The following TRAPPC9 variants were observed in gnomAD, a reference collection of about 807,000 sequenced individuals.
TRAPPC9 encodes IKK2 binding protein.
In TRAPPC9, 83 loss-of-function variants were observed where a neutral mutation model predicts 124.0. The ratio of observed to expected loss-of-function variants is 0.67; its 90% CI spans 0.56 to 0.80. The LOEUF (loss-of-function observed/expected upper bound fraction) is 0.80. TRAPPC9 is among the 30% of genes least tolerant of loss of function. TRAPPC9 has a pLI of 0.00. For missense variants in TRAPPC9, 1,302 were observed against 1,508.3 expected, an observed-to-expected ratio of 0.86 and a Z score of 2.27; for synonymous variants, 638 against 617.5, an observed-to-expected ratio of 1.03 and a Z score of -0.49.
At chr8:140,219,442 C>G (rs908144119) in intron 17 of TRAPPC9, among the ~76,000 whole-genome samples, 1 of 152,204 alleles carries the variant, frequency 6.6e-6, no homozygotes, top group African/African-American at 2.4e-5. Flanking sequence ...ATCTGCTGGC[C>G]TGAAGGACCC....
chr8:139,731,801 G>C (rs568579368), intron 22 of TRAPPC9, among the ~76,000 whole-genome samples, 178 bp downstream of exon 22: 1 of 152,174 alleles, frequency 6.6e-6, no homozygotes, highest in South Asian at 2.1e-4. Flanking sequence ...AGGTGAGCTT[G>C]TCTAAGTTCC....
chr8:140,451,582 C>T (rs1304264681), intron 1 of TRAPPC9, among the ~76,000 whole-genome samples, 199 bp from the exon 2 acceptor site: 1 of 152,180 alleles, frequency 6.6e-6, no homozygotes, highest in Non-Finnish European at 1.5e-5. Flanking sequence ...GACCTTCAGT[C>T]CCTTGGCCTC....
intron 5 of TRAPPC9, among the ~76,000 whole-genome samples, chr8:140,407,987 T>C (rs894431934): frequency 5.3e-5 from 8 of 152,178 alleles, no homozygotes; most frequent in Non-Finnish European, 7.4e-5. Flanking sequence ...AAGAAAAATA[T>C]AAACCATAGG....
At position 140,287,970 on chromosome 8, in the gene TRAPPC9, T is replaced by C. The variant is rs528550197; in HGVS notation, c.1855-236A>G. Among the ~76,000 whole-genome samples the C allele has an allele frequency of 4.6e-5, 7 of 152,334 alleles. No individual in the cohort carries two copies. The South Asian group carries it at 6.2e-4, about 14-fold the overall frequency. ...CGGATCCACTTGATTTCAGCCCTGT[T>C]TGCTGTCTGATATTTATCATTTTAC... On this transcript the variant is annotated intron_variant, in intron 12 of 22. Transcript: ENST00000438773.
At chr8:140,248,740 A>G (rs1433212709) in intron 16 of TRAPPC9, among the ~76,000 whole-genome samples, 3 of 152,228 alleles carry the variant, frequency 2.0e-5, no homozygotes. Flanking sequence ...GGATCATAGG[A>G]AAAGAATATA....
intron 17 of TRAPPC9, among the ~76,000 whole-genome samples, chr8:140,051,693 A>G (rs1233709392): frequency 1.3e-5 from 2 of 150,818 alleles, no homozygotes; most frequent in Non-Finnish European, 2.9e-5. Flanking sequence ...AATGGTCTAT[A>G]AAGGACATTG....
intron 17 of TRAPPC9, among the ~76,000 whole-genome samples, chr8:140,044,537 T>C (rs1841466927): frequency 6.6e-6 from 1 of 152,312 alleles, no homozygotes; most frequent in Non-Finnish European, 1.5e-5. Context: ...TATAACCTGT[T>C]TATCAGGCCC....
chr8:139,855,481 C>G (rs375452210), intron 21 of TRAPPC9, among the ~76,000 whole-genome samples: 1 of 152,044 alleles, frequency 6.6e-6, no homozygotes, highest in East Asian at 1.9e-4. Flanking sequence ...CGTGGAGACC[C>G]GAGAGGATAA....
chr8:140,157,677 T>C (rs2061677950), intron 17 of TRAPPC9, among the ~76,000 whole-genome samples: 1 of 152,038 alleles, frequency 6.6e-6, no homozygotes, highest in South Asian at 2.1e-4. Context: ...TTTCACTAAA[T>C]TCAGTAATCT....
At chr8:139,779,660 T>C (rs1293993985) in intron 21 of TRAPPC9, among the ~76,000 whole-genome samples, 1 of 152,134 alleles carries the variant, frequency 6.6e-6, no homozygotes, top group Admixed American at 6.5e-5. Context: ...AAGATGTATA[T>C]TCTAAACCTC....
intron 9 of TRAPPC9, among the ~76,000 whole-genome samples, chr8:140,339,342 A>G (rs143319565): frequency 6.6e-6 from 1 of 152,392 alleles, no homozygotes; most frequent in African/African-American, 2.4e-5. Flanking sequence ...GTATCTAATA[A>G]TTATTCTCTG....
chr8:140,455,434 GTT>G (rs2071620333), intron 1 of TRAPPC9, among the ~76,000 whole-genome samples: 1 of 151,428 alleles, frequency 6.6e-6, no homozygotes, highest in South Asian at 2.1e-4. Context: ...CTTGTTTTTT[GTT>G]TGTTTGTTGT....
chr8:139,798,421 A>T (rs1334854045), intron 21 of TRAPPC9, among the ~76,000 whole-genome samples: 1 of 152,272 alleles, frequency 6.6e-6, no homozygotes, highest in Non-Finnish European at 1.5e-5. Flanking sequence ...CCTAAAGAGA[A>T]GATTCTGGAG....
At chr8:140,397,800 A>T (rs2069139696) in intron 6 of TRAPPC9, 55 bp from the exon 7 acceptor site, 1 of 1,608,628 alleles carries the variant, frequency 6.2e-7, no homozygotes, top group Admixed American at 1.7e-5. Context: ...TGTTTCTGTC[A>T]CATTCTAAAG....
chr8:139,730,511 A>G lies in TRAPPC9; in HGVS notation c.*550T>C, dbSNP rs1471042260. 1 of 155,510 alleles carries G rather than the reference A, an allele frequency of 6.4e-6. No individual in the cohort carries two copies. Among genetic ancestry groups the G allele is most frequent in the East Asian group, 1.9e-4 (1 of 5,210 alleles). The allele number at this position is 155,510 out of a possible 1,614,324, so 9.6% of individuals were successfully genotyped here. On this transcript the variant is annotated 3_prime_UTR_variant, in exon 23 of 23. Coordinates refer to ENST00000438773, the MANE Select transcript of TRAPPC9 (RefSeq NM_001160372.4). ...GGGTGGAGGGCCTCTCTTGGCATCAACCATCCACGACCTCCTACGGCACCA... is the reference window on the plus strand; with the variant it reads ...GGGTGGAGGGCCTCTCTTGGCATCAGCCATCCACGACCTCCTACGGCACCA...
chr8:140,427,192 G>A (rs372510030), intron 4 of TRAPPC9, among the ~76,000 whole-genome samples: 3 of 150,652 alleles, frequency 2.0e-5, no homozygotes, highest in Admixed American at 1.3e-4. Context: ...CACCATGCCC[G>A]GCCTGCCAGC....
Position 140,082,367 on chromosome 8 carries a change from C to T in TRAPPC9, c.2557-58288G>A, listed in dbSNP as rs558830798. Among the ~76,000 whole-genome samples the T allele has an allele frequency of 5.3e-5, 8 of 151,580 alleles. No homozygotes were observed. The South Asian group carries it at 6.2e-4, about 12-fold the overall frequency. ...AAAGTGTGGAATCATTTTTTTTCCT[C>T]GACACAAATATAACTCCATCCCAGC... On this transcript the variant is annotated intron_variant, in intron 17 of 22. Coordinates refer to ENST00000438773, the MANE Select transcript of TRAPPC9 (RefSeq NM_001160372.4).
At chr8:140,066,926 C>G (rs1325798205) in intron 17 of TRAPPC9, among the ~76,000 whole-genome samples, 6 of 152,128 alleles carry the variant, frequency 3.9e-5, no homozygotes, top group African/African-American at 1.4e-4. Context: ...CATGTGAAGC[C>G]AAGCCATCTA....
chr8:140,389,280 A>G (rs539673247), intron 7 of TRAPPC9, among the ~76,000 whole-genome samples: 54 of 152,298 alleles, frequency 3.5e-4, no homozygotes, highest in Non-Finnish European at 7.1e-4. Flanking sequence ...TAAAGGGCAT[A>G]TAAGTGTTCA....
Sources: gnomAD v4.1 joint callset for allele counts (sites outside exome capture counted in the v4.1 genomes callset) on GRCh38, gnomAD v4.1.1 for gene constraint, MANE v1.5 for transcripts, NCBI Gene and HGNC (gene_info 2026-07-23, HGNC 2026-07-21) for gene names.